Variants in TENM3 observed in about 807,000 individuals in gnomAD.
TENM3 encodes the protein teneurin transmembrane protein 3.
In TENM3, 63 loss-of-function variants were observed where a neutral mutation model predicts 255.1. The ratio of observed to expected loss-of-function variants is 0.25; its 90% CI spans 0.20 to 0.30. TENM3 has a LOEUF of 0.30. Among genes scored for constraint, TENM3 ranks in the 10% least tolerant of loss-of-function variants. The pLI, the probability that TENM3 is intolerant of heterozygous loss-of-function variation, is 1.00. For missense variants in TENM3, 2,929 were observed against 3,461.1 expected, an observed-to-expected ratio of 0.85 and a Z score of 3.86; for synonymous variants, 1,306 against 1,322.3, an observed-to-expected ratio of 0.99 and a Z score of 0.27.
chr4:182,542,443 C>T (rs1204396000), intron 3 of TENM3, among the ~76,000 whole-genome samples: 1 of 152,154 alleles, frequency 6.6e-6, no homozygotes, highest in African/African-American at 2.4e-5. Flanking sequence ...TGAGGGCTAC[C>T]TCTTGGATAC....
the TENM3 span, among the ~76,000 whole-genome samples, chr4:182,046,461 T>C: frequency 6.6e-6 from 1 of 151,874 alleles, no homozygotes. Flanking sequence ...CCCAGCACTT[T>C]GGGAGGCTGA....
chr4:182,530,877 G>T (rs1310099583), intron 3 of TENM3, among the ~76,000 whole-genome samples: 2 of 152,230 alleles, frequency 1.3e-5, no homozygotes, highest in Non-Finnish European at 2.9e-5. Flanking sequence ...GGGGAAGACT[G>T]TGGGAGGACA....
the TENM3 span, among the ~76,000 whole-genome samples, chr4:182,003,524 GACA>G: frequency 2.6e-5 from 4 of 151,932 alleles, no homozygotes; most frequent in East Asian, 1.9e-4. Flanking sequence ...GTAAAATTTG[GACA>G]ACATTGTAGC....
chr4:181,657,559 G>T, the TENM3 span, among the ~76,000 whole-genome samples: 8 of 152,038 alleles, frequency 5.3e-5, no homozygotes, highest in Non-Finnish European at 7.4e-5. Flanking sequence ...GAATTAGTTC[G>T]GCCACTGCAG....
chr4:181,937,752 A>G, the TENM3 span, among the ~76,000 whole-genome samples: 1 of 152,202 alleles, frequency 6.6e-6, no homozygotes, highest in Non-Finnish European at 1.5e-5. Flanking sequence ...AGGAAAAAAT[A>G]TGTGAACTCT....
At chr4:182,597,732 C>T (rs142300342) in intron 3 of TENM3, among the ~76,000 whole-genome samples, 9 of 152,108 alleles carry the variant, frequency 5.9e-5, no homozygotes, top group Admixed American at 2.0e-4. Context: ...TCTTGTTACA[C>T]TTTATATACT....
chr4:181,562,745 G>A, the TENM3 span, among the ~76,000 whole-genome samples: 1 of 151,242 alleles, frequency 6.6e-6, no homozygotes, highest in Non-Finnish European at 1.5e-5. Flanking sequence ...CGCGATCTCA[G>A]CTCACTGCAA....
intron 6 of TENM3, among the ~76,000 whole-genome samples, chr4:182,671,973 C>A (rs796588697): frequency 2.0e-5 from 3 of 152,258 alleles, no homozygotes; most frequent in African/African-American, 7.2e-5. Flanking sequence ...TCCTCACCCT[C>A]TTGTTGTTAT....
the TENM3 span, among the ~76,000 whole-genome samples, chr4:181,551,410 T>G: frequency 0.13 from 19,580 of 152,212 alleles, 1,435 homozygotes; most frequent in Middle Eastern, 0.26. Context: ...ACATAATGTT[T>G]AACGTGGGCT....
At chr4:181,963,797 C>T in the TENM3 span, among the ~76,000 whole-genome samples, 1 of 152,006 alleles carries the variant, frequency 6.6e-6, no homozygotes, top group Non-Finnish European at 1.5e-5. Flanking sequence ...TAAGTAGGTG[C>T]AATGAAAAAT....
chr4:182,517,317 G>A (rs7657508), intron 3 of TENM3, among the ~76,000 whole-genome samples: 81,599 of 150,000 alleles, frequency 0.54, 22,740 homozygotes, highest in East Asian at 0.68. Context: ...CTAGAATTCA[G>A]CAGGCTCTTC....
chr4:182,750,413 C>G (rs1240676053), intron 19 of TENM3, among the ~76,000 whole-genome samples: 2 of 152,154 alleles, frequency 1.3e-5, no homozygotes, highest in Admixed American at 6.5e-5. Flanking sequence ...TCCACAAGGC[C>G]TCTACAGACT....
chr4:181,734,229 T>G, the TENM3 span, among the ~76,000 whole-genome samples: 1 of 152,092 alleles, frequency 6.6e-6, no homozygotes, highest in East Asian at 1.9e-4. Context: ...GTAAAAATGC[T>G]TTGAGGTCTT....
At chr4:182,047,241 T>C in the TENM3 span, among the ~76,000 whole-genome samples, 1 of 152,126 alleles carries the variant, frequency 6.6e-6, no homozygotes, top group Non-Finnish European at 1.5e-5. Flanking sequence ...ATGGCAAGTA[T>C]ATAGAAAAAT....
At chr4:181,722,593 TTAA>T in the TENM3 span, among the ~76,000 whole-genome samples, 1 of 152,168 alleles carries the variant, frequency 6.6e-6, no homozygotes, top group South Asian at 2.1e-4. Flanking sequence ...AATTTGAAAG[TTAA>T]TAATTACTTC....
chr4:182,357,337 A>G lies in TENM3; in HGVS notation c.511+10408A>G, dbSNP rs866378129. ...GAACTAGTTTACAGTCCCACCAACA[A>G]TGTAAAAGTGTTCCTATTTCTCCAC... On this transcript the variant is annotated intron_variant, in intron 3 of 27. Coordinates refer to ENST00000511685, the MANE Select transcript of TENM3 (RefSeq NM_001080477.4). 4.1e-3 allele frequency among the ~76,000 whole-genome samples: 616 copies of G among 151,662 alleles called. 2 individuals carry two copies. The highest frequency in any genetic ancestry group is 0.014 in the African/African-American group (560 of 41,310).
At chr4:182,161,677 A>G (rs866904105) in intron 1 of TENM3, among the ~76,000 whole-genome samples, 4 of 104,676 alleles carry the variant, frequency 3.8e-5, no homozygotes, top group East Asian at 9.1e-4. Flanking sequence ...ATATATATGT[A>G]TATATATACA....
the TENM3 span, among the ~76,000 whole-genome samples, chr4:181,877,613 C>T: frequency 2.0e-5 from 3 of 152,096 alleles, no homozygotes; most frequent in Non-Finnish European, 4.4e-5. Context: ...ATAGCAGCTC[C>T]ATGATGTCAC....
chr4:181,623,092 T>TA, the TENM3 span, among the ~76,000 whole-genome samples: 1,768 of 151,746 alleles, frequency 0.012, 34 homozygotes, highest in African/African-American at 0.041. Flanking sequence ...AAGTTCGAAT[T>TA]AAAAAAAAAC....
Sources: gnomAD v4.1 joint callset for allele counts (sites outside exome capture counted in the v4.1 genomes callset) on GRCh38, gnomAD v4.1.1 for gene constraint, MANE v1.5 for transcripts, NCBI Gene and HGNC (gene_info 2026-07-23, HGNC 2026-07-21) for gene names.